The following ACSM2A variants were observed in gnomAD, a reference collection of about 807,000 sequenced individuals.
The protein encoded by ACSM2A is acyl-coenzyme A synthetase ACSM2A, mitochondrial.
ACSM2A carries 72 observed loss-of-function variants against 76.6 expected under a neutral mutation model. That is an observed-to-expected ratio of 0.94 (90% confidence interval 0.78 to 1.14). The LOEUF is 1.14. Ranked by LOEUF, ACSM2A falls within the 50% of genes most tolerant of loss-of-function variation. The pLI, the probability that ACSM2A is intolerant of heterozygous loss-of-function variation, is 0.00. For missense variants in ACSM2A, 684 were observed against 708.5 expected, an observed-to-expected ratio of 0.97 and a Z score of 0.39; for synonymous variants, 249 against 255.9, an observed-to-expected ratio of 0.97 and a Z score of 0.26.
chr16:20,480,851 A>G lies in ACSM2A; in HGVS notation c.1439A>G (p.Asn480Ser), dbSNP rs760426651. 5 of 1,613,966 alleles carry G rather than the reference A, an allele frequency of 3.1e-6. No homozygotes were observed. The South Asian group carries it at 4.4e-5, about 14-fold the overall frequency. Residue 480 changes from asparagine (N) to serine (S), a missense_variant, in exon 12 of 14, where the codon AAT becomes AGT. Physicochemically the swap from Asn to Ser is conservative, Grantham distance 46. Coordinates refer to ENST00000573854, the MANE Select transcript of ACSM2A (RefSeq NM_001308172.2). ...CGGATTGGACCCTCGGAGGTAGAGAATGCACTGATGGAGCACCCTGCTGTG... is the reference window on the plus strand; with the variant it reads ...CGGATTGGACCCTCGGAGGTAGAGAGTGCACTGATGGAGCACCCTGCTGTG... ...GYRIGPSEVENALMEHPAVVE... is the reference protein window; with the variant it reads ...GYRIGPSEVESALMEHPAVVE...
intron 3 of ACSM2A, among the ~76,000 whole-genome samples, chr16:20,469,015 G>A (rs1309969207): frequency 6.6e-6 from 1 of 152,134 alleles, no homozygotes; most frequent in Non-Finnish European, 1.5e-5. Flanking sequence ...TATACTTTGT[G>A]TGTACATAGA....
intron 2 of ACSM2A, 117 bp downstream of exon 2, chr16:20,460,408 T>A: frequency 6.7e-7 from 1 of 1,483,004 alleles, no homozygotes. Context: ...TGTAATAAGC[T>A]ATGGACAAGA....
chr16:20,471,326 A>G, intron 5 of ACSM2A, 110 bp downstream of exon 5: 2 of 1,521,034 alleles, frequency 1.3e-6, no homozygotes, highest in South Asian at 1.3e-5. Flanking sequence ...CACCTTCTGA[A>G]CATTCATCTC....
intron 6 of ACSM2A, among the ~76,000 whole-genome samples, chr16:20,472,460 T>G (rs1459194564): frequency 3.9e-5 from 6 of 152,182 alleles, no homozygotes; most frequent in Admixed American, 1.3e-4. Flanking sequence ...TTACCTTGCA[T>G]AATTACCCCT....
At position 20,472,673 on chromosome 16, in the gene ACSM2A, T is replaced by C. The variant is rs148543192; in HGVS notation, c.894+984T>C. 1.2e-3 allele frequency among the ~76,000 whole-genome samples: 181 copies of C among 151,970 alleles called. 7 individuals are homozygous for C. Among genetic ancestry groups the C allele is most frequent in the African/African-American group, 4.2e-3 (173 of 41,236 alleles). On this transcript the variant is annotated intron_variant, in intron 6 of 13. Transcript: ENST00000573854. ...CCCCATAAGTTAATCATTCATTTGA[T>C]ACCTATCACCATAGATTAATTTTAT...
At chr16:20,464,886 T>G (rs1239561778) in intron 2 of ACSM2A, among the ~76,000 whole-genome samples, 3 of 152,126 alleles carry the variant, frequency 2.0e-5, no homozygotes, top group Non-Finnish European at 4.4e-5. Flanking sequence ...ACAATGAGAA[T>G]GTACTTAATG....
In ACSM2A at chr16:20,487,269, T is replaced by C. The variant is rs2014427554; in HGVS notation, c.*591T>C. ...AGAGAAGGAAGTAAAGAGGAAAACT[T>C]ATAAATATTCCCACAGATAGACAAA... On this transcript the variant is annotated 3_prime_UTR_variant, in exon 14 of 14. Coordinates refer to ENST00000573854, the MANE Select transcript of ACSM2A (RefSeq NM_001308172.2). 1.3e-5 allele frequency: 2 copies of C among 152,144 alleles called. No homozygotes were observed. Among genetic ancestry groups the C allele is most frequent in the African/African-American group, 2.4e-5 (1 of 41,420 alleles). The allele number at this position is 152,144 out of a possible 1,614,324, so 9.4% of individuals were successfully genotyped here. A position where few individuals can be genotyped will look rare whatever the true frequency, so the allele number is the denominator to read the frequency against.
rs2013357643 is a variant in ACSM2A, at chr16:20,471,011, G to T, written c.597-62G>T. On this transcript the variant is annotated intron_variant, in intron 4 of 13. Coordinates refer to ENST00000573854, the MANE Select transcript of ACSM2A (RefSeq NM_001308172.2). ...CACAGTGGGTGGTGGGAAAAGATGGGTCACTTTGATATCTGGTGTCCAGTC... is the reference window on the plus strand; with the variant it reads ...CACAGTGGGTGGTGGGAAAAGATGGTTCACTTTGATATCTGGTGTCCAGTC... 4.4e-6 allele frequency: 7 copies of T among 1,603,684 alleles called. No homozygotes were observed. In the South Asian group the frequency reaches 5.5e-5, roughly 13 times the overall value.
At chr16:20,469,760 T>C in intron 4 of ACSM2A, 41 bp downstream of exon 4, 2 of 1,611,712 alleles carry the variant, frequency 1.2e-6, no homozygotes, top group Non-Finnish European at 1.7e-6. Context: ...TAACTAAAAC[T>C]GGAAACAGAG....
rs561364718 is a variant in ACSM2A at position 20,472,748 on chromosome 16, G to T, written c.894+1059G>T. 3.9e-3 allele frequency among the ~76,000 whole-genome samples: 580 copies of T among 150,060 alleles called. 8 individuals are homozygous for T. Among genetic ancestry groups the T allele is most frequent in the African/African-American group, 0.013 (529 of 39,578 alleles). On this transcript the variant is annotated intron_variant, in intron 6 of 13. Coordinates refer to ENST00000573854, the MANE Select transcript of ACSM2A (RefSeq NM_001308172.2). Reference sequence around the variant, plus strand: ...GGAGCCAAATTATATGTAATCTTTTGCATTTGGCTTCTTTTACTCAAAATA... The same window carrying T: ...GGAGCCAAATTATATGTAATCTTTTTCATTTGGCTTCTTTTACTCAAAATA...
chr16:20,471,713 C>A, intron 6 of ACSM2A, 24 bp downstream of exon 6: 1 of 1,593,400 alleles, frequency 6.3e-7, no homozygotes, highest in Non-Finnish European at 8.6e-7. Flanking sequence ...CAGTTTGCAG[C>A]AGTTATTCAG....
chr16:20,475,416 A>T lies in ACSM2A; in HGVS notation c.949A>T (p.Met317Leu). 6.2e-7 allele frequency: 1 copy of T among 1,613,748 alleles called. No individual in the cohort carries two copies. The highest frequency in any genetic ancestry group is 2.2e-5 in the East Asian group (1 of 44,876). The change falls in exon 7 of 14, where the codon ATG becomes TTG. Residue 317 changes from methionine (M) to leucine (L), a missense_variant. Coordinates refer to ENST00000573854, the MANE Select transcript of ACSM2A (RefSeq NM_001308172.2). ...GATGGGTGCCCCCATTGTTTACCGG[A>T]TGTTGCTACAGCAGGATCTTTCCAG... Reference protein sequence around the residue: ...SMMGAPIVYRMLLQQDLSSYK... With the variant: ...SMMGAPIVYRLLLQQDLSSYK...
intron 12 of ACSM2A, 88 bp from the exon 13 acceptor site, chr16:20,482,970 G>A (rs2014171942): frequency 9.6e-6 from 15 of 1,562,250 alleles, no homozygotes; most frequent in Non-Finnish European, 1.2e-5. Context: ...ATACAAGGGT[G>A]ATGGAAGTCT....
intron 10 of ACSM2A, 115 bp from the exon 11 acceptor site, chr16:20,480,458 T>C (rs985395817): frequency 1.4e-4 from 208 of 1,504,908 alleles, no homozygotes; most frequent in Non-Finnish European, 1.8e-4. Context: ...ATGTTCAGGT[T>C]ATACACTGCA....
chr16:20,471,745 C>T (rs965963742), intron 6 of ACSM2A, 56 bp downstream of exon 6: 11 of 1,566,320 alleles, frequency 7.0e-6, no homozygotes, highest in Admixed American at 1.8e-5. Flanking sequence ...GGTTTGCACA[C>T]TTCAATTTAT....
intron 10 of ACSM2A, among the ~76,000 whole-genome samples, chr16:20,479,716 A>G (rs2013975215): frequency 6.6e-6 from 1 of 152,196 alleles, no homozygotes; most frequent in Admixed American, 6.5e-5. Context: ...GTACTATGTC[A>G]TGGGCTTCTC....
At chr16:20,467,396 A>G (rs778056411) in intron 3 of ACSM2A, among the ~76,000 whole-genome samples, 1 of 151,802 alleles carries the variant, frequency 6.6e-6, no homozygotes, top group Non-Finnish European at 1.5e-5. Context: ...ACTGAGTGAC[A>G]TGATCCTCCT....
At chr16:20,461,599 A>C (rs2012626631) in intron 2 of ACSM2A, among the ~76,000 whole-genome samples, 1 of 152,218 alleles carries the variant, frequency 6.6e-6, no homozygotes, top group Admixed American at 6.5e-5. Flanking sequence ...GAGCTTGTAG[A>C]AACCAAGAAT....
At chr16:20,471,741 C>T (rs113729444) in intron 6 of ACSM2A, 52 bp downstream of exon 6, 19 of 1,573,000 alleles carry the variant, frequency 1.2e-5, no homozygotes, top group African/African-American at 1.1e-4. Flanking sequence ...CCGAGGTTTG[C>T]ACACTTCAAT....
Sources: gnomAD v4.1 joint callset for allele counts (sites outside exome capture counted in the v4.1 genomes callset) on GRCh38, gnomAD v4.1.1 for gene constraint, MANE v1.5 for transcripts, NCBI Gene and HGNC (gene_info 2026-07-23, HGNC 2026-07-21) for gene names.